Variants in INSL6 observed in about 807,000 individuals in gnomAD.
INSL6 encodes insulin like 6.
A neutral mutation model predicts 9.4 loss-of-function variants in INSL6; 16 were observed. That is an observed-to-expected ratio of 1.70 (90% CI 1.15 to 2.59). The LOEUF is 2.59. INSL6 is among the 30% of genes most tolerant of loss of function. The pLI is 0.00. For missense variants in INSL6, 391 were observed against 257.3 expected, an observed-to-expected ratio of 1.52 and a Z score of -3.56; for synonymous variants, 154 against 96.9, an observed-to-expected ratio of 1.59 and a Z score of -3.46.
chr9:5,024,797 CT>C, the INSL6 span, among the ~76,000 whole-genome samples: 1 of 152,120 alleles, frequency 6.6e-6, no homozygotes, highest in Non-Finnish European at 1.5e-5. Flanking sequence ...TAGGTGTGCT[CT>C]TTGCATCATT....
At chr9:5,091,057 A>G in the INSL6 span, 1 of 569,912 alleles carries the variant, frequency 1.8e-6, no homozygotes, top group Non-Finnish European at 3.0e-6. Flanking sequence ...TTTTTTTTTT[A>G]GGTCTTATAG....
At chr9:5,167,586 G>A (rs979389403) in intron 1 of INSL6, among the ~76,000 whole-genome samples, 1 of 152,206 alleles carries the variant, frequency 6.6e-6, no homozygotes, top group Non-Finnish European at 1.5e-5. Flanking sequence ...CACATCCCCA[G>A]TGGAGGGTTT....
the INSL6 span, among the ~76,000 whole-genome samples, chr9:5,049,510 A>C: frequency 6.6e-6 from 1 of 152,194 alleles, no homozygotes; most frequent in East Asian, 1.9e-4. Flanking sequence ...ATCTTCCATG[A>C]AACCCTCCTT....
At chr9:5,042,354 G>A in the INSL6 span, among the ~76,000 whole-genome samples, 1 of 150,710 alleles carries the variant, frequency 6.6e-6, no homozygotes, top group African/African-American at 2.4e-5. Flanking sequence ...AGCCAGGATG[G>A]TCTCGATCTC....
At chr9:5,177,825 C>T (rs1825345701) in intron 1 of INSL6, among the ~76,000 whole-genome samples, 1 of 152,158 alleles carries the variant, frequency 6.6e-6, no homozygotes, top group Non-Finnish European at 1.5e-5. Context: ...AGGTACCCCA[C>T]AACACAGCAC....
intron 1 of INSL6, among the ~76,000 whole-genome samples, chr9:5,164,915 A>G (rs1383813877): frequency 3.3e-5 from 5 of 152,220 alleles, no homozygotes; most frequent in Admixed American, 3.3e-4. Flanking sequence ...GTCATTATGA[A>G]TAGTGCTGAT....
chr9:5,182,877 G>C (rs962656494), intron 1 of INSL6, among the ~76,000 whole-genome samples: 2 of 151,556 alleles, frequency 1.3e-5, no homozygotes, highest in Non-Finnish European at 2.9e-5. Context: ...CCACCTTCAG[G>C]GTCCATTAAC....
the INSL6 span, among the ~76,000 whole-genome samples, chr9:5,011,151 A>C: frequency 1.3e-5 from 2 of 152,158 alleles, no homozygotes; most frequent in Non-Finnish European, 2.9e-5. Flanking sequence ...TGATTTTTTT[A>C]AACAAACTTG....
intron 3 of INSL6, chr9:5,126,447 GTAACAATTT>G: frequency 6.3e-7 from 1 of 1,588,112 alleles, no homozygotes; most frequent in Non-Finnish European, 8.6e-7. Flanking sequence ...CCCAGATGAG[GTAACAATTT>G]TTTTTTAATC....
chr9:5,034,814 AC>A, the INSL6 span, among the ~76,000 whole-genome samples: 2 of 152,234 alleles, frequency 1.3e-5, no homozygotes, highest in Non-Finnish European at 2.9e-5. Flanking sequence ...CCCTAACATC[AC>A]AATTAAAAGA....
chr9:4,992,197 A>T, the INSL6 span, among the ~76,000 whole-genome samples: 2 of 152,092 alleles, frequency 1.3e-5, no homozygotes, highest in Admixed American at 1.3e-4. Flanking sequence ...CTTGACTGGG[A>T]TGTTAGCTGG....
chr9:5,126,547 G>A, intron 3 of INSL6: 1 of 956,662 alleles, frequency 1.0e-6, no homozygotes, highest in East Asian at 2.5e-5. Context: ...GGAGCTTCCA[G>A]ATAAACAGCA....
At chr9:4,995,745 A>T in the INSL6 span, among the ~76,000 whole-genome samples, 4 of 152,240 alleles carry the variant, frequency 2.6e-5, no homozygotes, top group Non-Finnish European at 5.9e-5. Context: ...TTAGGAATAG[A>T]AGCAGATCTT....
the INSL6 span, among the ~76,000 whole-genome samples, chr9:5,059,593 T>C: frequency 1.4e-3 from 211 of 152,282 alleles, 1 homozygote; most frequent in Non-Finnish European, 2.4e-3. Context: ...GATAGGATTA[T>C]TGAGTCATAG....
the INSL6 span, chr9:5,069,190 T>C: frequency 6.2e-7 from 1 of 1,605,460 alleles, no homozygotes; most frequent in Non-Finnish European, 8.5e-7. Flanking sequence ...TACTAAATGC[T>C]GTCCCCCAAA....
the INSL6 span, chr9:5,110,840 G>GC: frequency 2.2e-6 from 1 of 464,420 alleles, no homozygotes; most frequent in South Asian, 1.8e-5. Context: ...TTCGGGGAAG[G>GC]TGGGGGGGAC....
At chr9:5,163,845 T>C, downstream of INSL6, 2 of 1,053,618 alleles carry the variant, frequency 1.9e-6, no homozygotes, top group South Asian at 2.8e-5. Flanking sequence ...ATATGCACAA[T>C]TACAAAAAAA....
At chr9:5,059,567 A>G in the INSL6 span, among the ~76,000 whole-genome samples, 1 of 152,030 alleles carries the variant, frequency 6.6e-6, no homozygotes, top group Non-Finnish European at 1.5e-5. Flanking sequence ...CTTTTTTTGT[A>G]TATATATATC....
chr9:5,044,012 A>G, the INSL6 span, among the ~76,000 whole-genome samples: 1 of 152,224 alleles, frequency 6.6e-6, no homozygotes, highest in African/African-American at 2.4e-5. Context: ...GTTTCTCTGA[A>G]GGACAAGTTT....
Sources: allele counts gnomAD v4.1 joint callset (sites outside exome capture counted in the v4.1 genomes callset), GRCh38; gene constraint gnomAD v4.1.1; transcripts MANE v1.5; gene names NCBI Gene and HGNC (gene_info 2026-07-23, HGNC 2026-07-21).